Variants in MAP3K14 observed in about 807,000 individuals in gnomAD.
MAP3K14 encodes the protein mitogen-activated protein kinase kinase kinase 14.
Under a neutral mutation model 99.2 loss-of-function variants are expected in MAP3K14, and 16 were observed. The observed-to-expected ratio is 0.16, with a 90% CI of 0.11 to 0.24. The LOEUF is 0.24. Among genes scored for constraint, MAP3K14 ranks in the 10% least tolerant of loss-of-function variants. The pLI is 1.00. For synonymous variants in MAP3K14, 462 were observed against 492.4 expected (o/e 0.94, Z 0.82); for missense variants, 784 against 1,208.7 (o/e 0.65, Z 5.21).
intron 6 of MAP3K14, among the ~76,000 whole-genome samples, chr17:45,276,740 T>C (rs1044830535): frequency 2.0e-5 from 3 of 151,732 alleles, no homozygotes; most frequent in Non-Finnish European, 2.9e-5. Context: ...CTTAAACTCC[T>C]GACCTCAGGT....
chr17:45,276,855 G>A (rs71373553), intron 6 of MAP3K14, among the ~76,000 whole-genome samples: 1 of 85,280 alleles, frequency 1.2e-5, no homozygotes, highest in Admixed American at 1.7e-4. Flanking sequence ...TTGAGACAGA[G>A]TCTCGCTCTG....
At chr17:45,303,663 C>T (rs1240548616) in intron 1 of MAP3K14, among the ~76,000 whole-genome samples, 1 of 151,692 alleles carries the variant, frequency 6.6e-6, no homozygotes, top group African/African-American at 2.4e-5. Flanking sequence ...GTCCTCTCTG[C>T]AACATAAAAA....
At chr17:45,316,166 A>G (rs2044530411) in intron 1 of MAP3K14, among the ~76,000 whole-genome samples, 1 of 152,142 alleles carries the variant, frequency 6.6e-6, no homozygotes, top group Non-Finnish European at 1.5e-5. Context: ...TCCACCCTTT[A>G]GGGCCGAGAG....
At position 45,315,786 on chromosome 17, in the gene MAP3K14, G is replaced by T. The variant is rs112051170; in HGVS notation, c.-21+1174C>A. 1.4e-3 allele frequency among the ~76,000 whole-genome samples: 214 copies of T among 152,188 alleles called. 1 individual carries two copies. The highest frequency in any genetic ancestry group is 4.9e-3 in the African/African-American group (202 of 41,506). On this transcript the variant is annotated intron_variant, in intron 1 of 15. Coordinates refer to ENST00000344686, the MANE Select transcript of MAP3K14 (RefSeq NM_003954.5). Reference sequence around the variant, plus strand: ...ACTCCCTCATACACACCTGCCTCAGGTGCCTCGCCCATAAAACAAGACACT... The same window carrying T: ...ACTCCCTCATACACACCTGCCTCAGTTGCCTCGCCCATAAAACAAGACACT...
intron 1 of MAP3K14, among the ~76,000 whole-genome samples, chr17:45,294,692 G>A (rs1468977011): frequency 6.6e-6 from 1 of 152,188 alleles, no homozygotes; most frequent in Non-Finnish European, 1.5e-5. Flanking sequence ...TAGGCCTGCT[G>A]AACCAGTCAC....
intron 13 of MAP3K14, 44 bp from the exon 14 acceptor site, chr17:45,266,725 A>G (rs2044087952): frequency 3.2e-6 from 5 of 1,573,534 alleles, no homozygotes; most frequent in Non-Finnish European, 4.3e-6. Context: ...CCTGGGCTCC[A>G]GGATCCATCT....
chr17:45,304,152 A>T (rs549837050), intron 1 of MAP3K14, among the ~76,000 whole-genome samples: 1 of 151,472 alleles, frequency 6.6e-6, no homozygotes, highest in Non-Finnish European at 1.5e-5. Context: ...TACAGGCGTC[A>T]GCCACCACAT....
At chr17:45,271,802 TG>T (rs1245011417) in intron 9 of MAP3K14, among the ~76,000 whole-genome samples, 1 of 152,150 alleles carries the variant, frequency 6.6e-6, no homozygotes, top group South Asian at 2.1e-4. Flanking sequence ...TTTTTAAAAA[TG>T]GGGCAGGGGC....
In MAP3K14 at chr17:45,263,408, TCC is replaced by T. The variant is rs1567983783; in HGVS notation, c.*1226_*1227del. ...TAATGCTACGTGAGTCCTGAGTAGC[TCC>T]CCTGGGAGAAGAGGCTAAGCTGGGG... On this transcript the variant is annotated 3_prime_UTR_variant, in exon 16 of 16. Transcript: ENST00000344686. 6.5e-6 allele frequency: 1 copy of T among 152,756 alleles called. No homozygotes were observed. The highest frequency in any genetic ancestry group is 1.5e-5 in the Non-Finnish European group (1 of 68,154). 9.5% of individuals were successfully genotyped at this position (152,756 alleles called of 1,614,324 possible). A position where few individuals can be genotyped will look rare whatever the true frequency, so the allele number is the denominator to read the frequency against.
intron 9 of MAP3K14, 136 bp from the exon 10 acceptor site, chr17:45,271,357 G>T: frequency 1.3e-6 from 1 of 774,606 alleles, no homozygotes; most frequent in Non-Finnish European, 1.9e-6. Context: ...TATCTTTTTA[G>T]TTCTTTGAGA....
rs761682634 is a variant in MAP3K14 at position 45,290,774 on chromosome 17, G to C, written c.-20-9C>G. On this transcript the variant is annotated splice_polypyrimidine_tract_variant and intron_variant, in intron 1 of 15. Transcript: ENST00000344686. ...CCAGGCTTGTGCTCATCCTGAGAGAGACCAAACACAGAGCAGGTCACTTAG... is the reference window on the plus strand; with the variant it reads ...CCAGGCTTGTGCTCATCCTGAGAGACACCAAACACAGAGCAGGTCACTTAG... 1 of 1,605,208 alleles carries C rather than the reference G, an allele frequency of 6.2e-7. No individual in the cohort carries two copies. The highest frequency in any genetic ancestry group is 1.3e-5 in the African/African-American group (1 of 74,564).
intron 8 of MAP3K14, 73 bp downstream of exon 8, chr17:45,274,050 T>G: frequency 6.4e-7 from 1 of 1,555,516 alleles, no homozygotes. Context: ...AGCCCAGAAC[T>G]GAGAGGAGAT....
chr17:45,307,078 C>T (rs908982957), intron 1 of MAP3K14, among the ~76,000 whole-genome samples: 3 of 152,162 alleles, frequency 2.0e-5, no homozygotes, highest in Admixed American at 1.3e-4. Context: ...GCCAACATGG[C>T]AAAACGCTGC....
chr17:45,286,907 G>T lies in MAP3K14; in HGVS notation c.676C>A (p.Leu226Ile), dbSNP rs774624884. 1.2e-6 allele frequency: 2 copies of T among 1,614,082 alleles called. No homozygotes were observed. The highest frequency in any genetic ancestry group is 1.3e-5 in the African/African-American group (1 of 75,072). Residue 226 changes from leucine (L) to isoleucine (I), a missense_variant, in exon 5 of 16, where the codon CTC (leucine) becomes ATC (isoleucine). Leu to Ile is a conservative substitution (Grantham distance 5). Coordinates refer to ENST00000344686, the MANE Select transcript of MAP3K14 (RefSeq NM_003954.5). This position sits in a 1 kb window ranked among gnomAD's most constrained non-coding sequence, Gnocchi z 4.1. The stretch of plus-strand genomic sequence containing the variant: ...TGCAAGGGGCTGATCAGTTTGTGGA[G>T]TTCTGATCGAGGCAGAGCCGGCCGT... Reference protein sequence around the residue: ...GLRPALPRSELHKLISPLQCL... With the variant: ...GLRPALPRSEIHKLISPLQCL...
intron 1 of MAP3K14, among the ~76,000 whole-genome samples, chr17:45,303,991 G>T (rs560300344): frequency 7.6e-4 from 113 of 149,308 alleles, no homozygotes; most frequent in African/African-American, 2.5e-3. Flanking sequence ...AGCACATTTA[G>T]ATTTATTTCT....
chr17:45,314,905 C>T lies in MAP3K14; in HGVS notation c.-21+2055G>A, dbSNP rs192117288. On this transcript the variant is annotated intron_variant, in intron 1 of 15. Transcript: ENST00000344686. The stretch of plus-strand genomic sequence containing the variant: ...CAGGCCAAAGTGATACAACACTGTT[C>T]AGAGGGTGCCAACAACGAAGAAAAC... Among the ~76,000 whole-genome samples the T allele has an allele frequency of 4.0e-3, 612 of 151,966 alleles. 22 individuals carry two copies. The highest frequency in any genetic ancestry group is 0.037 in the Admixed American group (560 of 15,260).
intron 1 of MAP3K14, among the ~76,000 whole-genome samples, chr17:45,299,195 A>G (rs1184857459): frequency 6.6e-6 from 1 of 152,116 alleles, no homozygotes; most frequent in Admixed American, 6.6e-5. Context: ...AGCGGGGTAT[A>G]ATTCCACATT....
intron 6 of MAP3K14, among the ~76,000 whole-genome samples, chr17:45,277,315 T>C (rs1461482309): frequency 6.6e-6 from 1 of 152,142 alleles, no homozygotes; most frequent in African/African-American, 2.4e-5. Flanking sequence ...CCCCGCTTAG[T>C]AGACTTGTCC....
intron 7 of MAP3K14, 77 bp downstream of exon 7, chr17:45,274,387 C>A: frequency 6.3e-7 from 1 of 1,593,282 alleles, no homozygotes; most frequent in Non-Finnish European, 8.5e-7. Context: ...GATCAGTGAC[C>A]AAGGCCAACT....
Sources: allele counts gnomAD v4.1 joint callset (sites outside exome capture counted in the v4.1 genomes callset), GRCh38; gene constraint gnomAD v4.1.1; non-coding constraint Gnocchi (gnomAD v3.1); transcripts MANE v1.5; gene names NCBI Gene and HGNC (gene_info 2026-07-23, HGNC 2026-07-21).